ST18: variants seen among roughly 807,000 people sequenced by gnomAD.
The protein encoded by ST18 is ST18 C2H2C-type zinc finger transcription factor.
A neutral mutation model predicts 110.0 loss-of-function variants in ST18; 50 were observed. The observed-to-expected ratio is 0.45, with a 90% CI of 0.36 to 0.58. The LOEUF is 0.58. Ranked by LOEUF, ST18 falls within the 20% of genes least tolerant of loss-of-function variation. The pLI is 0.00. For synonymous variants in ST18, 461 were observed against 452.4 expected, an observed-to-expected ratio of 1.02 and a Z score of -0.24; for missense variants, 1,306 against 1,280.1, an observed-to-expected ratio of 1.02 and a Z score of -0.31.
At chr8:52,235,935 A>G (rs1473830764) in intron 2 of ST18, among the ~76,000 whole-genome samples, 1 of 152,192 alleles carries the variant, frequency 6.6e-6, no homozygotes, top group Non-Finnish European at 1.5e-5. Flanking sequence ...AGAAAATACT[A>G]AACTAAACTG....
At chr8:52,136,437 A>G (rs1280458233) in intron 19 of ST18, among the ~76,000 whole-genome samples, 153 bp downstream of exon 19, 1 of 152,202 alleles carries the variant, frequency 6.6e-6, no homozygotes, top group Non-Finnish European at 1.5e-5. Flanking sequence ...TGTTTCAGTC[A>G]TCCCAGCGCT....
At chr8:52,155,591 T>A (rs1465768764) in intron 15 of ST18, among the ~76,000 whole-genome samples, 1 of 152,024 alleles carries the variant, frequency 6.6e-6, no homozygotes, top group Non-Finnish European at 1.5e-5. Flanking sequence ...TGGGAAGGGG[T>A]GGATCAGTGA....
At chr8:52,323,252 A>G (rs1250389554) in intron 2 of ST18, among the ~76,000 whole-genome samples, 5 of 152,212 alleles carry the variant, frequency 3.3e-5, no homozygotes, top group Non-Finnish European at 5.9e-5. Context: ...TGATTTAACC[A>G]CAGATGTTCC....
chr8:52,388,612 A>T (rs56370329), intron 2 of ST18, among the ~76,000 whole-genome samples: 2,136 of 152,018 alleles, frequency 0.014, 62 homozygotes, highest in African/African-American at 0.049. Context: ...CGCACGGCGC[A>T]CGATGGCGTA....
intron 2 of ST18, among the ~76,000 whole-genome samples, chr8:52,323,179 A>T (rs936046362): frequency 6.6e-6 from 1 of 152,186 alleles, no homozygotes; most frequent in African/African-American, 2.4e-5. Context: ...AGAATTATGA[A>T]TTTTTTAAAA....
intron 15 of ST18, chr8:52,154,969 A>T (rs1587156959): frequency 6.6e-6 from 1 of 152,236 alleles, no homozygotes; most frequent in East Asian, 1.9e-4. Flanking sequence ...TGGGAGGCCG[A>T]GACGGGCGGA....
chr8:52,181,307 T>G (rs543002406), intron 8 of ST18, among the ~76,000 whole-genome samples: 46 of 152,240 alleles, frequency 3.0e-4, no homozygotes, highest in Non-Finnish European at 5.7e-4. Flanking sequence ...CTCAGGAATA[T>G]TACTAAATAA....
At chr8:52,338,440 A>T (rs1379085365) in intron 2 of ST18, among the ~76,000 whole-genome samples, 1 of 152,052 alleles carries the variant, frequency 6.6e-6, no homozygotes, top group African/African-American at 2.4e-5. Flanking sequence ...ATATTTTATG[A>T]ATTATAGGAA....
intron 2 of ST18, among the ~76,000 whole-genome samples, chr8:52,283,953 A>G (rs938634614): frequency 4.6e-5 from 7 of 152,216 alleles, no homozygotes; most frequent in African/African-American, 1.7e-4. Flanking sequence ...AACATGGCAA[A>G]TCCATGGTGA....
chr8:52,123,557 A>G (rs1295679242), intron 23 of ST18, among the ~76,000 whole-genome samples: 1 of 152,208 alleles, frequency 6.6e-6, no homozygotes, highest in Non-Finnish European at 1.5e-5. Flanking sequence ...TTTACACAGC[A>G]TCAGCCTCTA....
At chr8:52,212,204 CA>C (rs2082420782) in intron 7 of ST18, 95 bp from the exon 8 acceptor site, 1 of 1,183,624 alleles carries the variant, frequency 8.4e-7, no homozygotes. Flanking sequence ...AGGTAACGAC[CA>C]ATAAGTTTCT....
chr8:52,116,163 G>A (rs963827612), intron 25 of ST18, 112 bp downstream of exon 25: 119 of 1,250,934 alleles, frequency 9.5e-5, no homozygotes, highest in Admixed American at 2.6e-4. Context: ...TGGTCACTCT[G>A]TGACTGCTCA....
At chr8:52,369,029 A>G (rs767240384) in intron 2 of ST18, among the ~76,000 whole-genome samples, 97 of 152,086 alleles carry the variant, frequency 6.4e-4, no homozygotes, top group Non-Finnish European at 9.7e-4. Context: ...TGACAACCAC[A>G]TCCTAGCAAT....
At position 52,201,815 on chromosome 8, in the gene ST18, C is replaced by T. The variant is rs529576559; in HGVS notation, c.86+10264G>A. Among the ~76,000 whole-genome samples, 15 of 152,228 alleles carry T rather than the reference C, an allele frequency of 9.9e-5. No individual in the cohort carries two copies. In the East Asian group the frequency reaches 2.3e-3, roughly 24 times the overall value. On this transcript the variant is annotated intron_variant, in intron 8 of 25. Transcript: ENST00000689386. ...TTCCTACAAGCAGCTCAGGGATGGG[C>T]GGTGGGCTCATTGATTCCAGTTTTG...
At chr8:52,122,286 G>GGGATTATATATTAT (rs2045230825) in intron 23 of ST18, among the ~76,000 whole-genome samples, 1 of 151,632 alleles carries the variant, frequency 6.6e-6, no homozygotes, top group African/African-American at 2.4e-5. Flanking sequence ...TGCATATTTG[G>GGGATTATATATTAT]GGATTATATA....
rs549995870 is a variant in ST18, at chr8:52,150,304, A to G, written c.1807-327T>C. Among the ~76,000 whole-genome samples, 83 of 152,260 alleles carry G rather than the reference A, an allele frequency of 5.5e-4. 1 individual carries two copies. Among genetic ancestry groups the G allele is most frequent in the African/African-American group, 1.5e-3 (61 of 41,538 alleles). On this transcript the variant is annotated intron_variant, in intron 15 of 25. Coordinates refer to ENST00000689386, the MANE Select transcript of ST18 (RefSeq NM_001352837.2). ...TGTATATATATGTGTATATATATAC[A>G]CATACACACACATTTACAAGTTTAG...
chr8:52,284,411 A>G (rs1328933671), intron 2 of ST18, among the ~76,000 whole-genome samples: 1 of 152,190 alleles, frequency 6.6e-6, no homozygotes. Flanking sequence ...AGAAAATATT[A>G]CCCAGCGTGT....
At chr8:52,321,633 A>T (rs149771358) in intron 2 of ST18, among the ~76,000 whole-genome samples, 1 of 152,332 alleles carries the variant, frequency 6.6e-6, no homozygotes, top group Non-Finnish European at 1.5e-5. Flanking sequence ...GCTTATATTC[A>T]TATTCCTAGT....
intron 4 of ST18, among the ~76,000 whole-genome samples, chr8:52,221,249 GA>G (rs1302148025): frequency 6.6e-6 from 1 of 152,120 alleles, no homozygotes; most frequent in Non-Finnish European, 1.5e-5. Flanking sequence ...GTTGAGGCAA[GA>G]TTTGGAATGT....
Sources: allele counts gnomAD v4.1 joint callset (sites outside exome capture counted in the v4.1 genomes callset), GRCh38; gene constraint gnomAD v4.1.1; transcripts MANE v1.5; gene names NCBI Gene and HGNC (gene_info 2026-07-23, HGNC 2026-07-21).